Variants in PTPRD observed in about 807,000 individuals in gnomAD.
The protein encoded by PTPRD is protein tyrosine phosphatase receptor type D.
A neutral mutation model predicts 214.5 loss-of-function variants in PTPRD; 34 were observed. The ratio of observed to expected loss-of-function variants is 0.16; its 90% CI spans 0.12 to 0.21. The LOEUF is 0.21. Among genes scored for constraint, PTPRD ranks in the 10% least tolerant of loss-of-function variants. The pLI, the probability that PTPRD is intolerant of heterozygous loss-of-function variation, is 1.00. For synonymous variants in PTPRD, 1,128 were observed against 845.7 expected, an observed-to-expected ratio of 1.33 and a Z score of -5.79; for missense variants, 2,545 against 2,398.7, an observed-to-expected ratio of 1.06 and a Z score of -1.27.
chr9:10,481,474 T>A (rs1273736909), intron 2 of PTPRD, among the ~76,000 whole-genome samples: 1 of 152,128 alleles, frequency 6.6e-6, no homozygotes, highest in African/African-American at 2.4e-5. Context: ...AAGACATAAC[T>A]GAGTAATGTA....
intron 7 of PTPRD, among the ~76,000 whole-genome samples, chr9:9,603,797 T>C (rs1380050210): frequency 6.6e-6 from 1 of 152,068 alleles, no homozygotes; most frequent in African/African-American, 2.4e-5. Context: ...ATAAAGTATA[T>C]AGAAATCCTA....
intron 3 of PTPRD, among the ~76,000 whole-genome samples, chr9:10,300,016 A>G (rs2095812213): frequency 1.3e-5 from 2 of 152,162 alleles, no homozygotes; most frequent in Admixed American, 1.3e-4. Context: ...CATTGCACTA[A>G]TAAATCCTAT....
At chr9:9,247,072 G>A (rs1413903594) in intron 9 of PTPRD, among the ~76,000 whole-genome samples, 1 of 151,878 alleles carries the variant, frequency 6.6e-6, no homozygotes, top group Non-Finnish European at 1.5e-5. Flanking sequence ...TTTCCCCAAA[G>A]CAAACCGTAA....
chr9:8,431,595 A>G (rs1231890972), intron 35 of PTPRD, among the ~76,000 whole-genome samples: 1 of 152,192 alleles, frequency 6.6e-6, no homozygotes, highest in East Asian at 1.9e-4. Flanking sequence ...TCTATATGCT[A>G]TCTCAGAAAA....
chr9:9,605,071 A>C (rs2094058269), intron 7 of PTPRD, among the ~76,000 whole-genome samples: 1 of 152,052 alleles, frequency 6.6e-6, no homozygotes, highest in Non-Finnish European at 1.5e-5. Context: ...GAACTTACAA[A>C]GCATCTATTT....
intron 2 of PTPRD, among the ~76,000 whole-genome samples, chr9:10,531,793 C>T (rs575322279): frequency 4.9e-4 from 75 of 152,252 alleles, no homozygotes; most frequent in African/African-American, 1.7e-3. Flanking sequence ...TGTAGCTTTG[C>T]TGCAATAATT....
At chr9:9,914,799 T>C (rs1454668656) in intron 5 of PTPRD, among the ~76,000 whole-genome samples, 1 of 152,138 alleles carries the variant, frequency 6.6e-6, no homozygotes, top group Non-Finnish European at 1.5e-5. Context: ...AGTAGCCCTG[T>C]GGGTCACTTG....
intron 3 of PTPRD, among the ~76,000 whole-genome samples, chr9:10,328,813 G>C (rs559794962): frequency 2.0e-5 from 3 of 151,766 alleles, no homozygotes; most frequent in Non-Finnish European, 3.0e-5. Flanking sequence ...AATTCCTTTT[G>C]GTTTTATGGC....
chr9:8,877,737 C>CATAA (rs2098406596), intron 11 of PTPRD, among the ~76,000 whole-genome samples: 2 of 152,308 alleles, frequency 1.3e-5, no homozygotes, highest in South Asian at 4.1e-4. Flanking sequence ...ATTTTACACT[C>CATAA]ATAAATGAGA....
In PTPRD at chr9:10,562,079, A is replaced by G. The variant is rs183471797; in HGVS notation, c.-600+50319T>C. 1.4e-4 allele frequency among the ~76,000 whole-genome samples: 21 copies of G among 152,294 alleles called. No individual in the cohort carries two copies. In the East Asian group the frequency reaches 3.9e-3, roughly 28 times the overall value. On this transcript the variant is annotated intron_variant, in intron 2 of 45. Transcript: ENST00000381196. The stretch of plus-strand genomic sequence containing the variant: ...GATAACATTAATTGAGGAGTGAAAC[A>G]TATTCCATTATCTCTTTTGTATTTA...
intron 2 of PTPRD, among the ~76,000 whole-genome samples, chr9:10,484,731 T>A (rs75086099): frequency 1.3e-5 from 2 of 151,994 alleles, no homozygotes; most frequent in African/African-American, 4.8e-5. Context: ...TTTTTTCCTA[T>A]ATAGTTGTTT....
At chr9:9,531,094 C>T (rs2075358436) in intron 8 of PTPRD, among the ~76,000 whole-genome samples, 1 of 152,152 alleles carries the variant, frequency 6.6e-6, no homozygotes, top group East Asian at 1.9e-4. Context: ...CCCCAAATGC[C>T]TTGACTTCAT....
chr9:9,522,357 G>A (rs2097001278), intron 8 of PTPRD, among the ~76,000 whole-genome samples: 1 of 152,050 alleles, frequency 6.6e-6, no homozygotes, highest in Non-Finnish European at 1.5e-5. Flanking sequence ...CACATATGTT[G>A]TAGAGGGAAC....
chr9:10,142,973 T>C (rs998109088), intron 3 of PTPRD, among the ~76,000 whole-genome samples: 3 of 151,866 alleles, frequency 2.0e-5, no homozygotes, highest in African/African-American at 7.3e-5. Context: ...ATGTCCTTTG[T>C]AGGGACATGG....
At chr9:10,369,071 G>A (rs968751861) in intron 2 of PTPRD, among the ~76,000 whole-genome samples, 7 of 151,944 alleles carry the variant, frequency 4.6e-5, no homozygotes, top group Admixed American at 2.6e-4. Context: ...ACTTAGGCAT[G>A]CACCATGGTT....
At chr9:8,606,046 A>C (rs2095190889) in intron 14 of PTPRD, among the ~76,000 whole-genome samples, 1 of 152,112 alleles carries the variant, frequency 6.6e-6, no homozygotes, top group Non-Finnish European at 1.5e-5. Context: ...TCCTTATTTC[A>C]TTCCATTTTA....
Position 8,353,769 on chromosome 9 carries a change from A to G in PTPRD, c.4662-11791T>C, listed in dbSNP as rs138612634. Among the ~76,000 whole-genome samples the G allele has an allele frequency of 4.5e-3, 674 of 150,012 alleles. 8 individuals are homozygous for G. The highest frequency in any genetic ancestry group is 0.016 in the African/African-American group (629 of 40,172). ...ATTGCCTCTTCTAACCCTTTTGCCT[A>G]CTCACATTCGTATACATATACAAAT... On this transcript the variant is annotated intron_variant, in intron 39 of 45. Transcript: ENST00000381196.
At chr9:9,757,534 G>A (rs7863324) in intron 6 of PTPRD, among the ~76,000 whole-genome samples, 345 of 152,032 alleles carry the variant, frequency 2.3e-3, no homozygotes, top group African/African-American at 7.7e-3. Context: ...TAAAACACTT[G>A]GAAATTCAGA....
intron 5 of PTPRD, among the ~76,000 whole-genome samples, chr9:9,767,649 T>A (rs2154479851): frequency 6.6e-6 from 1 of 152,224 alleles, no homozygotes; most frequent in Admixed American, 6.5e-5. Flanking sequence ...ACTTTGTTCA[T>A]ATGTTCTGGC....
Sources: allele counts gnomAD v4.1 joint callset (sites outside exome capture counted in the v4.1 genomes callset), GRCh38; gene constraint gnomAD v4.1.1; transcripts MANE v1.5; gene names NCBI Gene and HGNC (gene_info 2026-07-23, HGNC 2026-07-21).